The following RANBP9 variants were observed in gnomAD, a reference collection of about 807,000 sequenced individuals.
RANBP9 encodes the protein RAN binding protein 9, also known as ran-binding protein 9.
RANBP9 carries 15 observed loss-of-function variants against 84.3 expected under a neutral mutation model. The ratio of observed to expected loss-of-function variants is 0.18; its 90% CI spans 0.12 to 0.27. The LOEUF (loss-of-function observed/expected upper bound fraction) is 0.27, where lower values mean the gene tolerates loss of function less well. Among genes scored for constraint, RANBP9 ranks in the 10% least tolerant of loss-of-function variants. RANBP9 has a pLI of 1.00. For synonymous variants in RANBP9, 392 were observed against 349.6 expected (o/e 1.12, Z -1.35); for missense variants, 809 against 912.8 (o/e 0.89, Z 1.46).
intron 3 of RANBP9, among the ~76,000 whole-genome samples, chr6:13,658,275 A>G (rs116691637): frequency 0.075 from 10,231 of 136,746 alleles, 538 homozygotes; most frequent in Admixed American, 0.16. Context: ...TATATATACT[A>G]TATGTTTTAC....
chr6:13,622,630 T>G, intron 13 of RANBP9, 138 bp from the exon 14 acceptor site: 1 of 953,942 alleles, frequency 1.0e-6, no homozygotes, highest in Non-Finnish European at 1.4e-6. Flanking sequence ...TGAAGGTTTC[T>G]AAGCAAAAGA....
chr6:13,636,032 A>C (rs1166001475), intron 10 of RANBP9, among the ~76,000 whole-genome samples: 1 of 152,134 alleles, frequency 6.6e-6, no homozygotes, highest in Admixed American at 6.6e-5. Flanking sequence ...AAAACATGAC[A>C]TATTTGATGG....
chr6:13,637,588 A>G (rs1450910893), intron 10 of RANBP9, among the ~76,000 whole-genome samples: 3 of 152,188 alleles, frequency 2.0e-5, no homozygotes, highest in Non-Finnish European at 2.9e-5. Context: ...GGAAGAAGGT[A>G]GTAGAGAAGA....
chr6:13,670,695 G>A (rs954440516), intron 2 of RANBP9, among the ~76,000 whole-genome samples: 13 of 151,892 alleles, frequency 8.6e-5, no homozygotes, highest in African/African-American at 3.1e-4. Flanking sequence ...AGCTACTTGG[G>A]AGGCTGAGGC....
chr6:13,656,560 AGTT>A (rs1765406375), intron 4 of RANBP9, among the ~76,000 whole-genome samples: 1 of 152,134 alleles, frequency 6.6e-6, no homozygotes, highest in Non-Finnish European at 1.5e-5. Context: ...TATTTTCAGA[AGTT>A]TTTTATTCTC....
intron 9 of RANBP9, among the ~76,000 whole-genome samples, chr6:13,638,575 A>C (rs1413041457): frequency 3.3e-5 from 5 of 152,108 alleles, no homozygotes; most frequent in Non-Finnish European, 5.9e-5. Flanking sequence ...TCACACCTGT[A>C]AGCCCAGCAC....
At position 13,637,840 on chromosome 6, in the gene RANBP9, CATATTT is replaced by C. The variant is rs1764977793; in HGVS notation, c.1635_1640del (p.Ile545_Asn546del). 1 of 1,598,970 alleles carries C rather than the reference CATATTT, an allele frequency of 6.3e-7. No homozygotes were observed. Among genetic ancestry groups the C allele is most frequent in the Non-Finnish European group, 8.5e-7 (1 of 1,174,928 alleles). Reference sequence around the variant, plus strand: ...AGTTATTAACTTGCTGTGATCTTGACATATTTATACTGTTTAGTTCTGGTACATTCA... The same window carrying C: ...AGTTATTAACTTGCTGTGATCTTGACATACTGTTTAGTTCTGGTACATTCA... On this transcript the variant is annotated inframe_deletion, in exon 10 of 14. Coordinates refer to ENST00000011619, the MANE Select transcript of RANBP9 (RefSeq NM_005493.3).
chr6:13,652,060 C>A (rs546932731), intron 5 of RANBP9, among the ~76,000 whole-genome samples: 1 of 152,336 alleles, frequency 6.6e-6, no homozygotes, highest in East Asian at 1.9e-4. Context: ...AAAGCTTCAG[C>A]TCAAGTCTCA....
In RANBP9 at chr6:13,711,454, G is replaced by A; in HGVS notation, c.52C>T (p.Gln18Ter). The A allele has an allele frequency of 8.2e-7, 1 of 1,226,196 alleles. No individual in the cohort carries two copies. Among genetic ancestry groups the A allele is most frequent in the Non-Finnish European group, 1.0e-6 (1 of 983,064 alleles). 76.0% of individuals were successfully genotyped at this position (1,226,196 alleles called of 1,614,324 possible). ...PPPQQQQQQQ[Q>*]LSPPPPAALA... The stretch of plus-strand genomic sequence containing the variant: ...GCCGCCGGCGGTGGCGGCGACAGCT[G>A]CTGCTGCTGTTGCTGCTGCTGCGGC... The change falls in exon 1 of 14, where the codon CAG becomes TAG. Residue 18 changes from glutamine (Q) to a stop codon, truncating the protein, a stop_gained. Transcript: ENST00000011619. LOFTEE classifies it high-confidence loss of function.
chr6:13,696,768 C>T lies in RANBP9; in HGVS notation c.683+17G>A, dbSNP rs755818287. On this transcript the variant is annotated intron_variant, in intron 2 of 13. Coordinates refer to ENST00000011619, the MANE Select transcript of RANBP9 (RefSeq NM_005493.3). ...AAAAAAACTAGCAAACGATTTTTCT[C>T]ACCAAAATTTACTTACCCATCTCTT... 3 of 1,571,616 alleles carry T rather than the reference C, an allele frequency of 1.9e-6. No homozygotes were observed. In the East Asian group the frequency reaches 6.7e-5, roughly 35 times the overall value.
intron 6 of RANBP9, among the ~76,000 whole-genome samples, chr6:13,642,851 ACAT>A (rs1394288090): frequency 6.6e-6 from 1 of 152,240 alleles, no homozygotes; most frequent in Non-Finnish European, 1.5e-5. Context: ...AGAATCAAGG[ACAT>A]TAAATGACCT....
rs191903945 is a variant in RANBP9, at chr6:13,629,492, T to C, written c.1947+2878A>G. 3.6e-3 allele frequency among the ~76,000 whole-genome samples: 541 copies of C among 152,344 alleles called. 1 individual carries two copies. The highest frequency in any genetic ancestry group is 0.012 in the African/African-American group (503 of 41,584). On this transcript the variant is annotated intron_variant, in intron 12 of 13. Coordinates refer to ENST00000011619, the MANE Select transcript of RANBP9 (RefSeq NM_005493.3). ...AACATTACCTCAGTGGAATAACTTC[T>C]GAGGGAAATGTGACATCATTTAGGT...
At chr6:13,649,924 T>C (rs982948314) in intron 5 of RANBP9, among the ~76,000 whole-genome samples, 11 of 152,214 alleles carry the variant, frequency 7.2e-5, no homozygotes, top group Admixed American at 4.6e-4. Context: ...TCAGACCTTA[T>C]GTAATTTTCA....
chr6:13,641,109 A>G (rs1178586876), intron 8 of RANBP9, 90 bp downstream of exon 8: 1 of 866,500 alleles, frequency 1.2e-6, no homozygotes, highest in Non-Finnish European at 1.6e-6. Context: ...AAAAACTAAA[A>G]TTACAAAAGC....
chr6:13,689,367 T>A (rs1766271824), intron 2 of RANBP9, among the ~76,000 whole-genome samples: 1 of 151,212 alleles, frequency 6.6e-6, no homozygotes, highest in Non-Finnish European at 1.5e-5. Flanking sequence ...GTATCCTGGG[T>A]TCAAGCGATT....
intron 1 of RANBP9, among the ~76,000 whole-genome samples, chr6:13,703,100 C>A (rs1758015682): frequency 6.6e-6 from 1 of 152,196 alleles, no homozygotes; most frequent in African/African-American, 2.4e-5. Flanking sequence ...ACAGCCTCAA[C>A]TTCCTGGGTT....
chr6:13,686,584 C>CTTAT (rs1766196312), intron 2 of RANBP9, among the ~76,000 whole-genome samples: 1 of 151,922 alleles, frequency 6.6e-6, no homozygotes, highest in Non-Finnish European at 1.5e-5. Context: ...CATGCCCAGC[C>CTTAT]TAATAAACAG....
At chr6:13,681,308 G>A (rs1458811038) in intron 2 of RANBP9, among the ~76,000 whole-genome samples, 2 of 144,880 alleles carry the variant, frequency 1.4e-5, no homozygotes, top group African/African-American at 2.6e-5. Context: ...AGAGTTTGGC[G>A]TGGTTGTTAT....
intron 1 of RANBP9, among the ~76,000 whole-genome samples, chr6:13,700,291 A>G (rs964845465): frequency 2.0e-5 from 3 of 152,184 alleles, no homozygotes; most frequent in Non-Finnish European, 4.4e-5. Flanking sequence ...CCCTCAATAC[A>G]ACTAAGATTC....
Sources: gnomAD v4.1 joint callset for allele counts (sites outside exome capture counted in the v4.1 genomes callset) on GRCh38, gnomAD v4.1.1 for gene constraint, MANE v1.5 for transcripts, NCBI Gene and HGNC (gene_info 2026-07-23, HGNC 2026-07-21) for gene names.